NBAS: variants seen among roughly 807,000 people sequenced by gnomAD.
NBAS encodes NBAS subunit of NRZ tethering complex, also known as NAG/BC035112 fusion.
In NBAS, 219 loss-of-function variants were observed where a neutral mutation model predicts 302.5. The observed-to-expected ratio is 0.72, with a 90% confidence interval of 0.65 to 0.81. The LOEUF (loss-of-function observed/expected upper bound fraction) is 0.81, where lower values mean the gene tolerates loss of function less well. NBAS is among the 30% of genes least tolerant of loss of function. The probability of loss-of-function intolerance (pLI) is 0.00; values close to 1 mark genes in which losing one functional copy is unlikely to be tolerated. For missense variants in NBAS, 2,932 were observed against 2,841.6 expected (o/e 1.03, Z -0.72); for synonymous variants, 1,118 against 1,021.6 (o/e 1.09, Z -1.80).
chr2:15,500,063 A>G (rs889940353), intron 11 of NBAS, among the ~76,000 whole-genome samples: 1 of 152,224 alleles, frequency 6.6e-6, no homozygotes, highest in African/African-American at 2.4e-5. Flanking sequence ...TCTCTCAAAC[A>G]TTGCAGTAAA....
At chr2:15,303,863 T>C (rs1312993405) in intron 40 of NBAS, among the ~76,000 whole-genome samples, 2 of 152,334 alleles carry the variant, frequency 1.3e-5, no homozygotes, top group African/African-American at 2.4e-5. Flanking sequence ...CTGTAACTTG[T>C]TGTCTGTCCA....
At chr2:15,086,021 G>T in the NBAS span, among the ~76,000 whole-genome samples, 2 of 152,234 alleles carry the variant, frequency 1.3e-5, no homozygotes, top group South Asian at 4.2e-4. Context: ...TCCCCAGTGA[G>T]GCCCCACCTT....
At chr2:15,331,178 T>C (rs1672327434) in intron 35 of NBAS, among the ~76,000 whole-genome samples, 1 of 152,232 alleles carries the variant, frequency 6.6e-6, no homozygotes, top group Non-Finnish European at 1.5e-5. Flanking sequence ...AATGCCACTG[T>C]GACCCAGAAA....
chr2:15,155,748 C>T, the NBAS span, among the ~76,000 whole-genome samples: 1 of 152,212 alleles, frequency 6.6e-6, no homozygotes, highest in Non-Finnish European at 1.5e-5. Flanking sequence ...CTTCGTCTTC[C>T]TGCAGAAGTA....
chr2:15,276,729 C>T, intron 43 of NBAS, 122 bp downstream of exon 43: 1 of 1,443,216 alleles, frequency 6.9e-7, no homozygotes. Flanking sequence ...AGTCGATTAG[C>T]TTCAAAATTC....
At chr2:15,059,013 C>T in the NBAS span, among the ~76,000 whole-genome samples, 2 of 152,308 alleles carry the variant, frequency 1.3e-5, no homozygotes, top group African/African-American at 4.8e-5. Context: ...GTTCTGTCTT[C>T]CCCACTGGCC....
intron 21 of NBAS, among the ~76,000 whole-genome samples, chr2:15,453,339 T>C (rs1400549436): frequency 6.6e-6 from 1 of 152,236 alleles, no homozygotes; most frequent in African/African-American, 2.4e-5. Flanking sequence ...TGTCATACAA[T>C]TTATCACACT....
chr2:15,478,235 T>G lies in NBAS; in HGVS notation c.1138A>C (p.Lys380Gln). The G allele has an allele frequency of 6.2e-7, 1 of 1,605,228 alleles. No individual in the cohort carries two copies. The highest frequency in any genetic ancestry group is 8.5e-7 in the Non-Finnish European group (1 of 1,172,074). ...ATTTCGTAGAACTCACCTTTGATTT[T>G]TTTTCTCTTCTCAGTAGAGAGCCTC... Reference protein sequence around the residue: ...DWRLSTEKRKKIKDKESFYPL... With the variant: ...DWRLSTEKRKQIKDKESFYPL... The change falls in exon 13 of 52, where the codon AAA (lysine) becomes CAA (glutamine). Residue 380 changes from lysine (K) to glutamine (Q), a missense_variant. Physicochemically the swap from Lys to Gln is moderately conservative, Grantham distance 53 (BLOSUM62 1). Coordinates refer to ENST00000281513, the MANE Select transcript of NBAS (RefSeq NM_015909.4).
chr2:15,468,438 T>C lies in NBAS; in HGVS notation c.1821A>G (p.Leu607=). The change falls in exon 17 of 52, where the codon TTA becomes TTG. Residue 607 remains leucine, a synonymous_variant. Coordinates refer to ENST00000281513, the MANE Select transcript of NBAS (RefSeq NM_015909.4). ...AAAGAGCCTCCAGGTCTGTGCCTTT[T>C]AATCCATACTGAAGCAGTTCTTTTG... ...DAAKELLQYG[L]KGTDLEALLA... 1.2e-6 allele frequency: 2 copies of C among 1,614,122 alleles called. No homozygotes were observed. The highest frequency in any genetic ancestry group is 1.3e-5 in the African/African-American group (1 of 75,062).
At chr2:15,013,625 A>T in the NBAS span, among the ~76,000 whole-genome samples, 1 of 152,042 alleles carries the variant, frequency 6.6e-6, no homozygotes, top group African/African-American at 2.4e-5. Flanking sequence ...TCTACTAAAA[A>T]ATAAAAAAAT....
the NBAS span, among the ~76,000 whole-genome samples, chr2:14,797,604 GA>G: frequency 6.6e-6 from 1 of 152,180 alleles, no homozygotes. Context: ...GCCTGTCATG[GA>G]AGTCACTCGT....
At chr2:14,902,206 A>G in the NBAS span, among the ~76,000 whole-genome samples, 186 of 152,234 alleles carry the variant, frequency 1.2e-3, no homozygotes, top group African/African-American at 4.5e-3. Flanking sequence ...ATCTCAGCTC[A>G]CTTCAAACTC....
At chr2:15,150,066 C>CAAAAA in the NBAS span, among the ~76,000 whole-genome samples, 1 of 64,172 alleles carries the variant, frequency 1.6e-5, no homozygotes, top group East Asian at 3.9e-4. Context: ...AACCCTGTCT[C>CAAAAA]AAAAAAAAAA....
chr2:15,159,953 A>G, the NBAS span, among the ~76,000 whole-genome samples: 1 of 152,130 alleles, frequency 6.6e-6, no homozygotes, highest in Admixed American at 6.5e-5. Context: ...GAGCCTCACA[A>G]TGCTCTGTAA....
At chr2:15,140,854 T>A in the NBAS span, among the ~76,000 whole-genome samples, 2 of 152,230 alleles carry the variant, frequency 1.3e-5, no homozygotes, top group Non-Finnish European at 2.9e-5. Flanking sequence ...GAGCATTAAA[T>A]GGTATAATAC....
intron 6 of NBAS, among the ~76,000 whole-genome samples, chr2:15,540,162 T>C (rs1280095527): frequency 6.6e-6 from 1 of 152,268 alleles, no homozygotes; most frequent in South Asian, 2.1e-4. Flanking sequence ...GTTAGGTAGA[T>C]AGACAAGTGT....
chr2:15,178,333 T>G (rs1231585745), intron 51 of NBAS, among the ~76,000 whole-genome samples: 4 of 152,186 alleles, frequency 2.6e-5, no homozygotes, highest in Non-Finnish European at 4.4e-5. Context: ...AGGGCTTCAG[T>G]AAGGATCATA....
chr2:15,312,692 C>T (rs1003519193), intron 38 of NBAS, among the ~76,000 whole-genome samples: 2 of 152,166 alleles, frequency 1.3e-5, no homozygotes, highest in African/African-American at 4.8e-5. Context: ...CACTCAAATG[C>T]TACCTCAAAT....
At chr2:14,868,013 T>C in the NBAS span, among the ~76,000 whole-genome samples, 2 of 152,232 alleles carry the variant, frequency 1.3e-5, no homozygotes. Context: ...TCTTTATTAC[T>C]AGACCTTGGC....
Sources: gnomAD v4.1 joint callset for allele counts (sites outside exome capture counted in the v4.1 genomes callset) on GRCh38, gnomAD v4.1.1 for gene constraint, MANE v1.5 for transcripts, NCBI Gene and HGNC (gene_info 2026-07-23, HGNC 2026-07-21) for gene names.